CNTN5: variants seen among roughly 807,000 people sequenced by gnomAD.
CNTN5 encodes the protein contactin-5.
CNTN5 carries 77 observed loss-of-function variants against 129.1 expected under a neutral mutation model. The ratio of observed to expected loss-of-function variants is 0.60; its 90% CI spans 0.50 to 0.72. The LOEUF is 0.72. CNTN5 is among the 30% of genes least tolerant of loss of function. The pLI, the probability that CNTN5 is intolerant of heterozygous loss-of-function variation, is 0.00. For missense variants in CNTN5, 1,478 were observed against 1,328.8 expected (o/e 1.11, Z -1.75); for synonymous variants, 509 against 465.6 (o/e 1.09, Z -1.20).
intron 3 of CNTN5, among the ~76,000 whole-genome samples, chr11:99,653,980 A>AC (rs1279482782): frequency 1.3e-5 from 2 of 151,868 alleles, no homozygotes; most frequent in African/African-American, 2.4e-5. Context: ...TGTTATTTCT[A>AC]TTAAAAAAAA....
intron 1 of CNTN5, among the ~76,000 whole-genome samples, chr11:99,306,767 A>G (rs1477542710): frequency 6.7e-6 from 1 of 149,482 alleles, no homozygotes; most frequent in Non-Finnish European, 1.5e-5. Context: ...TAATAATAAT[A>G]ATAATAATAA....
chr11:99,882,948 A>G (rs1481574810), intron 6 of CNTN5, among the ~76,000 whole-genome samples: 1 of 152,184 alleles, frequency 6.6e-6, no homozygotes, highest in Non-Finnish European at 1.5e-5. Flanking sequence ...TAGATCCTAC[A>G]AATAAGTGAG....
intron 3 of CNTN5, among the ~76,000 whole-genome samples, chr11:99,727,974 T>C (rs1943409326): frequency 1.3e-5 from 2 of 152,200 alleles, no homozygotes; most frequent in Non-Finnish European, 2.9e-5. Context: ...GCATTCAGAT[T>C]GATTACTTAA....
intron 18 of CNTN5, among the ~76,000 whole-genome samples, chr11:100,280,029 A>C (rs1950601067): frequency 6.6e-6 from 1 of 150,856 alleles, no homozygotes; most frequent in Non-Finnish European, 1.5e-5. Flanking sequence ...TTGTTTCAAG[A>C]AATTTTTCAA....
chr11:99,682,889 C>T (rs1160099151), intron 3 of CNTN5, among the ~76,000 whole-genome samples: 3 of 151,896 alleles, frequency 2.0e-5, no homozygotes, highest in African/African-American at 7.2e-5. Context: ...TTACATAAAA[C>T]ATTACTGATA....
chr11:99,132,888 G>A (rs1859016378), intron 1 of CNTN5, among the ~76,000 whole-genome samples: 1 of 151,772 alleles, frequency 6.6e-6, no homozygotes, highest in Admixed American at 6.6e-5. Flanking sequence ...ATTCTTCACA[G>A]TATTAGAAAA....
intron 3 of CNTN5, among the ~76,000 whole-genome samples, chr11:99,751,065 A>G (rs1944217298): frequency 6.6e-6 from 1 of 152,200 alleles, no homozygotes; most frequent in Admixed American, 6.5e-5. Flanking sequence ...TTAAGGGTGC[A>G]GTGGCTCACG....
chr11:99,633,048 T>G (rs1049751816), intron 3 of CNTN5, among the ~76,000 whole-genome samples: 6 of 152,138 alleles, frequency 3.9e-5, no homozygotes, highest in Non-Finnish European at 7.4e-5. Context: ...CATGAAGGAC[T>G]GTAAAAGTAT....
chr11:99,158,677 A>C (rs1860453007), intron 1 of CNTN5, among the ~76,000 whole-genome samples: 1 of 152,176 alleles, frequency 6.6e-6, no homozygotes, highest in African/African-American at 2.4e-5. Context: ...ATTTCCTAGG[A>C]ATATGATTTT....
At chr11:99,983,071 C>T (rs1565752638) in intron 8 of CNTN5, among the ~76,000 whole-genome samples, 1 of 152,162 alleles carries the variant, frequency 6.6e-6, no homozygotes, top group Non-Finnish European at 1.5e-5. Flanking sequence ...CATTTCTTCA[C>T]TGCTGGAAAC....
At chr11:99,945,105 C>T (rs2136125930) in intron 7 of CNTN5, among the ~76,000 whole-genome samples, 1 of 152,130 alleles carries the variant, frequency 6.6e-6, no homozygotes, top group South Asian at 2.1e-4. Context: ...ACAGGTATGA[C>T]AGCAAACCAG....
intron 15 of CNTN5, among the ~76,000 whole-genome samples, chr11:100,212,619 T>G (rs1279619999): frequency 6.6e-6 from 1 of 152,164 alleles, no homozygotes; most frequent in Non-Finnish European, 1.5e-5. Context: ...TCTAGTTAGC[T>G]GTACGACCTT....
At chr11:100,261,303 C>A (rs1033941186) in intron 17 of CNTN5, among the ~76,000 whole-genome samples, 1 of 152,080 alleles carries the variant, frequency 6.6e-6, no homozygotes, top group African/African-American at 2.4e-5. Context: ...AGAGAGGACA[C>A]AAACAAATGG....
chr11:99,641,639 G>T (rs1951775354), intron 3 of CNTN5, among the ~76,000 whole-genome samples: 1 of 152,096 alleles, frequency 6.6e-6, no homozygotes, highest in Non-Finnish European at 1.5e-5. Flanking sequence ...GGCTAATGGG[G>T]ATTTCTGGAG....
At chr11:99,631,570 A>C (rs961525365) in intron 3 of CNTN5, among the ~76,000 whole-genome samples, 5 of 152,068 alleles carry the variant, frequency 3.3e-5, no homozygotes, top group African/African-American at 1.2e-4. Context: ...AGTTGTATTT[A>C]CTTTTTTGTG....
intron 3 of CNTN5, among the ~76,000 whole-genome samples, chr11:99,754,592 T>C (rs760215985): frequency 2.0e-5 from 3 of 152,214 alleles, no homozygotes; most frequent in Non-Finnish European, 4.4e-5. Flanking sequence ...TATTTTTTAA[T>C]TTAAATAGAC....
intron 13 of CNTN5, among the ~76,000 whole-genome samples, chr11:100,109,287 G>A (rs1292251238): frequency 6.6e-6 from 1 of 152,122 alleles, no homozygotes; most frequent in South Asian, 2.1e-4. Flanking sequence ...TTAGCCAGGC[G>A]TGTTGACAGG....
chr11:100,112,383 A>T (rs1011303967), intron 13 of CNTN5, among the ~76,000 whole-genome samples: 1 of 152,178 alleles, frequency 6.6e-6, no homozygotes, highest in Non-Finnish European at 1.5e-5. Context: ...CATATCACTG[A>T]TGATATAAAC....
intron 18 of CNTN5, among the ~76,000 whole-genome samples, chr11:100,280,048 T>C (rs927759185): frequency 5.3e-5 from 8 of 151,806 alleles, no homozygotes; most frequent in African/African-American, 1.7e-4. Flanking sequence ...AATTCCCTTC[T>C]TAATTTCTTC....
Sources: gnomAD v4.1 joint callset for allele counts (sites outside exome capture counted in the v4.1 genomes callset) on GRCh38, gnomAD v4.1.1 for gene constraint, MANE v1.5 for transcripts, NCBI Gene and HGNC (gene_info 2026-07-23, HGNC 2026-07-21) for gene names.